ROBO2: variants seen among roughly 807,000 people sequenced by gnomAD.
ROBO2 encodes the protein roundabout homolog 2.
ROBO2 carries 53 observed loss-of-function variants against 160.8 expected under a neutral mutation model. That is an observed-to-expected ratio of 0.33 (90% CI 0.26 to 0.41). The LOEUF (loss-of-function observed/expected upper bound fraction) is 0.41, where lower values mean the gene tolerates loss of function less well. Among genes scored for constraint, ROBO2 ranks in the 10% least tolerant of loss-of-function variants. ROBO2 has a pLI of 1.00. For missense variants in ROBO2, 1,577 were observed against 1,722.4 expected (o/e 0.92, Z 1.49); for synonymous variants, 664 against 611.7 (o/e 1.09, Z -1.26).
chr3:75,948,166 G>C (rs539128608), intron 2 of ROBO2, among the ~76,000 whole-genome samples: 1 of 152,198 alleles, frequency 6.6e-6, no homozygotes, highest in East Asian at 1.9e-4. Context: ...GGATCTAGCT[G>C]TTGTGTTTAG....
chr3:76,185,906 T>C lies in ROBO2; in HGVS notation c.109+248304T>C, dbSNP rs1201727009. Among the ~76,000 whole-genome samples, 3 of 150,828 alleles carry C rather than the reference T, an allele frequency of 2.0e-5. No individual in the cohort carries two copies. In the East Asian group the frequency reaches 5.9e-4, roughly 30 times the overall value. On this transcript the variant is annotated intron_variant, in intron 2 of 26. Transcript: ENST00000487694. ...GAAAATATTTGACTTTCCAAAGGAATAGATTCATTTCTCATTAAAGGAAAC... is the reference window on the plus strand; with the variant it reads ...GAAAATATTTGACTTTCCAAAGGAACAGATTCATTTCTCATTAAAGGAAAC...
At chr3:76,780,563 CA>C (rs2062576205) in intron 2 of ROBO2, among the ~76,000 whole-genome samples, 1 of 150,722 alleles carries the variant, frequency 6.6e-6, no homozygotes, top group Non-Finnish European at 1.5e-5. Context: ...TTTATAGTTT[CA>C]GATGTTATAT....
At chr3:77,085,434 G>A (rs1433830471) in intron 1 of ROBO2, among the ~76,000 whole-genome samples, 1 of 151,988 alleles carries the variant, frequency 6.6e-6, no homozygotes. Context: ...TATCTAAGGT[G>A]TTTTTGGTGG....
chr3:76,652,511 AAAT>A (rs1001067000), intron 2 of ROBO2, among the ~76,000 whole-genome samples: 2 of 152,124 alleles, frequency 1.3e-5, no homozygotes, highest in African/African-American at 4.8e-5. Context: ...TCTGTACCTT[AAAT>A]TCAGATGAGT....
chr3:76,033,514 A>T (rs2066997475), intron 2 of ROBO2, among the ~76,000 whole-genome samples: 1 of 152,200 alleles, frequency 6.6e-6, no homozygotes, highest in Non-Finnish European at 1.5e-5. Flanking sequence ...GATATTTTCT[A>T]CATGGCATCA....
intron 2 of ROBO2, among the ~76,000 whole-genome samples, chr3:76,133,749 C>T (rs1240912510): frequency 2.6e-5 from 4 of 152,094 alleles, no homozygotes; most frequent in African/African-American, 9.7e-5. Flanking sequence ...GGTCAGAAGG[C>T]CCAGTCAGTC....
chr3:77,164,880 G>A lies in ROBO2; in HGVS notation c.388+66540G>A, dbSNP rs2078895869. ...GCCCGGCCAGCCACCCCGTCCGGGA[G>A]GGAGGTGGGGGGGTCAGCCCCCCGC... is the stretch of plus-strand genomic sequence containing the variant. On this transcript the variant is annotated intron_variant, in intron 2 of 25. Coordinates refer to ENST00000461745, the Ensembl canonical transcript of ROBO2. Among the ~76,000 whole-genome samples the A allele has an allele frequency of 2.8e-5, 2 of 70,948 alleles. 1 individual carries two copies. The highest frequency in any genetic ancestry group is 8.5e-4 in the South Asian group (2 of 2,348). The allele number at this position is 70,948 out of a possible 152,430, so 46.5% of individuals were successfully genotyped here.
chr3:76,464,004 G>A (rs193285270), intron 2 of ROBO2, among the ~76,000 whole-genome samples: 1 of 152,244 alleles, frequency 6.6e-6, no homozygotes, highest in Admixed American at 6.5e-5. Context: ...AGACAGAGGA[G>A]GAGAGAAGGA....
intron 2 of ROBO2, among the ~76,000 whole-genome samples, chr3:76,629,057 C>T (rs1371313868): frequency 6.6e-6 from 1 of 152,116 alleles, no homozygotes; most frequent in Non-Finnish European, 1.5e-5. Context: ...TGCCATCTCT[C>T]ATCCAGGTTC....
At chr3:77,260,904 A>T (rs1161068683) in intron 2 of ROBO2, among the ~76,000 whole-genome samples, 1 of 152,154 alleles carries the variant, frequency 6.6e-6, no homozygotes, top group African/African-American at 2.4e-5. Context: ...GCTGTGGAGC[A>T]GGACTGCAGT....
intron 2 of ROBO2, among the ~76,000 whole-genome samples, chr3:76,719,883 CAAAA>C (rs58861850): frequency 6.1e-5 from 8 of 130,190 alleles, no homozygotes; most frequent in Admixed American, 1.5e-4. Context: ...GACTGTGTCT[CAAAA>C]AAAAAAAAAA....
intron 2 of ROBO2, among the ~76,000 whole-genome samples, chr3:76,318,671 T>C (rs1027017392): frequency 2.0e-5 from 3 of 152,142 alleles, no homozygotes; most frequent in Non-Finnish European, 4.4e-5. Context: ...GGTTTACAAC[T>C]TAGCTATAAA....
chr3:77,490,552 T>C (rs922425645), intron 4 of ROBO2, among the ~76,000 whole-genome samples: 20 of 152,286 alleles, frequency 1.3e-4, no homozygotes, highest in Middle Eastern at 3.4e-3. Context: ...TCCTATTATA[T>C]AAGTAACCTC....
chr3:76,603,357 T>A (rs1169189762), intron 2 of ROBO2, among the ~76,000 whole-genome samples: 95 of 79,456 alleles, frequency 1.2e-3, no homozygotes, highest in African/African-American at 3.6e-3. Context: ...AAAAAATATA[T>A]ATATATATAT....
chr3:77,120,981 G>T (rs1306213219), intron 2 of ROBO2, among the ~76,000 whole-genome samples: 1 of 152,064 alleles, frequency 6.6e-6, no homozygotes, highest in African/African-American at 2.4e-5. Flanking sequence ...GTCTCACTTT[G>T]TCACCCAGGC....
At chr3:77,351,637 A>G (rs747829498) in intron 2 of ROBO2, among the ~76,000 whole-genome samples, 2 of 152,080 alleles carry the variant, frequency 1.3e-5, no homozygotes, top group Non-Finnish European at 2.9e-5. Flanking sequence ...ACAAGGAGGT[A>G]CCTCCTTAGA....
At chr3:76,441,221 T>C (rs1440315144) in intron 2 of ROBO2, among the ~76,000 whole-genome samples, 2 of 152,180 alleles carry the variant, frequency 1.3e-5, no homozygotes, top group African/African-American at 4.8e-5. Context: ...TTTTAATTAC[T>C]TGGATAGAGA....
rs187622701 is a variant in ROBO2 at position 76,259,326 on chromosome 3, T to G, written c.109+321724T>G. Among the ~76,000 whole-genome samples, 7 of 152,268 alleles carry G rather than the reference T, an allele frequency of 4.6e-5. No homozygotes were observed. In the East Asian group the frequency reaches 7.8e-4, roughly 17 times the overall value. ...TAACAATTTATTTAATTCTCTACAC[T>G]TAGTTCCTTATTTATGAAGTGTAAA... On this transcript the variant is annotated intron_variant, in intron 2 of 26. Coordinates refer to the ROBO2 transcript ENST00000487694.
At chr3:76,826,979 C>G (rs888279806) in intron 2 of ROBO2, among the ~76,000 whole-genome samples, 2 of 152,158 alleles carry the variant, frequency 1.3e-5, no homozygotes, top group Non-Finnish European at 2.9e-5. Context: ...TACACTCAGG[C>G]TGATGTTTGT....
Sources: allele counts gnomAD v4.1 joint callset (sites outside exome capture counted in the v4.1 genomes callset), GRCh38; gene constraint gnomAD v4.1.1; transcripts MANE v1.5; gene names NCBI Gene and HGNC (gene_info 2026-07-23, HGNC 2026-07-21).